The following ERBB4 variants were observed in gnomAD, a reference collection of about 807,000 sequenced individuals.
ERBB4 encodes the protein erb-b2 receptor tyrosine kinase 4, also known as receptor tyrosine-protein kinase erbB-4.
In ERBB4, 42 loss-of-function variants were observed where a neutral mutation model predicts 158.0. That is an observed-to-expected ratio of 0.27 (90% CI 0.21 to 0.34). ERBB4 has a LOEUF of 0.34. Among genes scored for constraint, ERBB4 ranks in the 10% least tolerant of loss-of-function variants. The pLI is 1.00. For synonymous variants in ERBB4, 583 were observed against 558.7 expected (o/e 1.04, Z -0.61); for missense variants, 1,333 against 1,624.1 (o/e 0.82, Z 3.08).
chr2:211,886,266 C>A (rs1270651465), intron 3 of ERBB4, among the ~76,000 whole-genome samples: 2 of 152,136 alleles, frequency 1.3e-5, no homozygotes, highest in Admixed American at 6.5e-5. Context: ...TCCATCCAAC[C>A]ATTAACTAAT....
At chr2:212,196,009 G>A (rs939227) in intron 1 of ERBB4, among the ~76,000 whole-genome samples, 149,070 of 152,198 alleles carry the variant, frequency 0.98, 73,103 homozygotes, top group Middle Eastern at 1. Flanking sequence ...GTCAACATCT[G>A]GTTAGACTAA....
intron 2 of ERBB4, among the ~76,000 whole-genome samples, chr2:212,037,808 G>A (rs1382110061): frequency 6.6e-6 from 1 of 152,102 alleles, no homozygotes; most frequent in African/African-American, 2.4e-5. Flanking sequence ...TTAAATAACT[G>A]CTTGAAATTC....
rs534226456 is a variant in ERBB4, at chr2:212,521,621, C to T, written c.82+16828G>A. Among the ~76,000 whole-genome samples the T allele has an allele frequency of 8.0e-5, 12 of 150,692 alleles. No individual in the cohort carries two copies. The East Asian group carries it at 1.2e-3, about 15-fold the overall frequency. On this transcript the variant is annotated intron_variant, in intron 1 of 27. Coordinates refer to ENST00000342788, the MANE Select transcript of ERBB4 (RefSeq NM_005235.3). ...CAAAATATAATTAACATTTATTGGG[C>T]ACTTACTATGTACCTGATGCTATTT...
intron 2 of ERBB4, among the ~76,000 whole-genome samples, chr2:212,080,893 T>C (rs538099966): frequency 2.0e-5 from 3 of 152,268 alleles, no homozygotes; most frequent in African/African-American, 7.2e-5. Flanking sequence ...ACCTCATAAA[T>C]CGAATATTAT....
At chr2:211,607,831 T>A (rs2069041402) in intron 19 of ERBB4, among the ~76,000 whole-genome samples, 1 of 151,944 alleles carries the variant, frequency 6.6e-6, no homozygotes, top group Admixed American at 6.6e-5. Flanking sequence ...ATTAAAACAT[T>A]TATGCAATAT....
chr2:212,371,202 C>T (rs2090073896), intron 1 of ERBB4, among the ~76,000 whole-genome samples: 1 of 152,176 alleles, frequency 6.6e-6, no homozygotes, highest in Non-Finnish European at 1.5e-5. Context: ...CCAGTCCTCT[C>T]ATCTGCCATT....
intron 20 of ERBB4, among the ~76,000 whole-genome samples, chr2:211,527,431 T>C (rs893206703): frequency 1.1e-4 from 17 of 152,080 alleles, no homozygotes; most frequent in African/African-American, 3.9e-4. Context: ...ACCAGACCTG[T>C]CCTACAAGAA....
intron 4 of ERBB4, among the ~76,000 whole-genome samples, chr2:211,761,653 A>C (rs1458964498): frequency 6.6e-6 from 1 of 152,224 alleles, no homozygotes; most frequent in Non-Finnish European, 1.5e-5. Flanking sequence ...TGGGTCTAAA[A>C]TAAATGTCAA....
chr2:212,357,961 C>T (rs915297826), intron 1 of ERBB4, among the ~76,000 whole-genome samples: 1 of 151,850 alleles, frequency 6.6e-6, no homozygotes, highest in Non-Finnish European at 1.5e-5. Flanking sequence ...TTTTGAACAT[C>T]GTGTATTCAT....
intron 7 of ERBB4, among the ~76,000 whole-genome samples, chr2:211,721,458 A>AAAAAAAAAAAAAAAAAAAAG (rs2074089484): frequency 6.7e-6 from 1 of 148,986 alleles, no homozygotes; most frequent in Non-Finnish European, 1.5e-5. Context: ...AAAAAAAAAA[A>AAAAAAAAAAAAAAAAAAAAG]AAAAAAATAG....
intron 1 of ERBB4, among the ~76,000 whole-genome samples, chr2:212,528,146 T>A (rs1250489296): frequency 6.6e-6 from 1 of 152,054 alleles, no homozygotes; most frequent in Non-Finnish European, 1.5e-5. Flanking sequence ...TAGACAAGTT[T>A]CTTCATGTAG....
intron 1 of ERBB4, among the ~76,000 whole-genome samples, chr2:212,216,227 T>G (rs1401125990): frequency 6.6e-6 from 1 of 151,366 alleles, no homozygotes; most frequent in African/African-American, 2.4e-5. Flanking sequence ...ATGTGAATCT[T>G]TCAACATCCT....
intron 2 of ERBB4, among the ~76,000 whole-genome samples, chr2:211,993,222 G>A (rs933537056): frequency 2.0e-5 from 3 of 152,184 alleles, no homozygotes; most frequent in African/African-American, 7.2e-5. Context: ...AATCCTAGGG[G>A]TGAGACCCTA....
chr2:212,452,341 T>G (rs182098071), intron 1 of ERBB4, among the ~76,000 whole-genome samples: 4 of 152,294 alleles, frequency 2.6e-5, no homozygotes, highest in Admixed American at 1.3e-4. Context: ...TAACAGTTTT[T>G]TGACACCTTT....
At chr2:211,562,359 G>GTAATA (rs1393478626) in intron 19 of ERBB4, among the ~76,000 whole-genome samples, 1 of 152,142 alleles carries the variant, frequency 6.6e-6, no homozygotes, top group East Asian at 1.9e-4. Context: ...TTTCTCCTTT[G>GTAATA]TAATATGAGC....
chr2:211,501,713 AACTT>A (rs1457302764), intron 20 of ERBB4, among the ~76,000 whole-genome samples: 2 of 152,116 alleles, frequency 1.3e-5, no homozygotes, highest in Non-Finnish European at 2.9e-5. Flanking sequence ...ATAATAATTT[AACTT>A]ACTTTTAATT....
At chr2:211,945,383 A>C (rs1459048143) in intron 3 of ERBB4, among the ~76,000 whole-genome samples, 1 of 152,120 alleles carries the variant, frequency 6.6e-6, no homozygotes, top group African/African-American at 2.4e-5. Flanking sequence ...ACAACCACCT[A>C]ATAAATAAAA....
chr2:211,999,587 G>A (rs948538057), intron 2 of ERBB4, among the ~76,000 whole-genome samples: 7 of 151,892 alleles, frequency 4.6e-5, no homozygotes, highest in Non-Finnish European at 8.9e-5. Context: ...AGAATCAAAT[G>A]AATGGAAATA....
intron 2 of ERBB4, among the ~76,000 whole-genome samples, chr2:211,979,244 G>A (rs1316204941): frequency 6.6e-6 from 1 of 152,154 alleles, no homozygotes; most frequent in Non-Finnish European, 1.5e-5. Flanking sequence ...ATTCAAGACA[G>A]ATTTTAGAAA....
Sources: allele counts gnomAD v4.1 joint callset (sites outside exome capture counted in the v4.1 genomes callset), GRCh38; gene constraint gnomAD v4.1.1; transcripts MANE v1.5; gene names NCBI Gene and HGNC (gene_info 2026-07-23, HGNC 2026-07-21).